The following RPS6KB1 variants were observed in gnomAD, a reference collection of about 807,000 sequenced individuals.
The protein encoded by RPS6KB1 is ribosomal protein S6 kinase beta-1.
A neutral mutation model predicts 70.2 loss-of-function variants in RPS6KB1; 12 were observed. That is an observed-to-expected ratio of 0.17 (90% CI 0.11 to 0.28). The LOEUF is 0.28. Among genes scored for constraint, RPS6KB1 ranks in the 10% least tolerant of loss-of-function variants. RPS6KB1 has a pLI of 1.00. For missense variants in RPS6KB1, 270 were observed against 646.6 expected (o/e 0.42, Z 6.32); for synonymous variants, 175 against 211.2 (o/e 0.83, Z 1.49).
chr17:59,893,158 T>G lies in RPS6KB1; in HGVS notation c.-27T>G. On this transcript the variant is annotated 5_prime_UTR_variant, in exon 1 of 15. Coordinates refer to ENST00000225577, the MANE Select transcript of RPS6KB1 (RefSeq NM_003161.4). This position sits in a 1 kb window ranked among gnomAD's most constrained non-coding sequence, Gnocchi z 4.1. ...AGCAGCCGGTGATGGCGGCAGCGGC[T>G]GTGGTGGCTGCGGCGGGTCCGGGCC... 1 of 1,601,158 alleles carries G rather than the reference T, an allele frequency of 6.2e-7. No homozygotes were observed. Among genetic ancestry groups the G allele is most frequent in the Non-Finnish European group, 8.5e-7 (1 of 1,174,782 alleles).
intron 13 of RPS6KB1, among the ~76,000 whole-genome samples, chr17:59,942,997 TA>T (rs1233190595): frequency 2.6e-5 from 4 of 151,872 alleles, no homozygotes; most frequent in South Asian, 2.1e-4. Context: ...AAAAAAAAAT[TA>T]ATTAAAAAAA....
intron 4 of RPS6KB1, among the ~76,000 whole-genome samples, chr17:59,923,579 C>T (rs1473042260): frequency 1.3e-5 from 2 of 151,166 alleles, no homozygotes; most frequent in Admixed American, 6.6e-5. Flanking sequence ...GGTGTGATCT[C>T]GGCTCACTGC....
At chr17:59,941,102 C>T (rs551064682) in intron 13 of RPS6KB1, among the ~76,000 whole-genome samples, 159 bp downstream of exon 13, 1 of 150,172 alleles carries the variant, frequency 6.7e-6, no homozygotes, top group Admixed American at 6.6e-5. Flanking sequence ...TTATTGATGC[C>T]TACAAAATTT....
At chr17:59,938,447 T>C (rs1301943198) in intron 12 of RPS6KB1, among the ~76,000 whole-genome samples, 1 of 152,082 alleles carries the variant, frequency 6.6e-6, no homozygotes, top group Non-Finnish European at 1.5e-5. Context: ...GGTCTGTATA[T>C]AGTTTGGTTA....
At chr17:59,916,379 C>T (rs879289257) in intron 4 of RPS6KB1, among the ~76,000 whole-genome samples, 3 of 152,320 alleles carry the variant, frequency 2.0e-5, no homozygotes, top group Admixed American at 6.5e-5. Flanking sequence ...GGATTACAGG[C>T]GTGAGCCACC....
chr17:59,945,725 G>A (rs1261864368), intron 14 of RPS6KB1, among the ~76,000 whole-genome samples: 2 of 152,112 alleles, frequency 1.3e-5, no homozygotes, highest in Non-Finnish European at 2.9e-5. Context: ...CCAAAAGTAA[G>A]CAGCCATACT....
chr17:59,893,409 G>A lies in RPS6KB1; in HGVS notation c.141+84G>A. The A allele has an allele frequency of 7.2e-7, 1 of 1,398,348 alleles. No homozygotes were observed. Among genetic ancestry groups the A allele is most frequent in the Non-Finnish European group, 9.8e-7 (1 of 1,020,146 alleles). 86.6% of individuals were successfully genotyped at this position (1,398,348 alleles called of 1,614,324 possible). On this transcript the variant is annotated intron_variant, in intron 1 of 14. Coordinates refer to ENST00000225577, the MANE Select transcript of RPS6KB1 (RefSeq NM_003161.4). The surrounding 1 kb of genome is among the most constrained non-coding windows in gnomAD (Gnocchi z 4.1). Reference sequence around the variant, plus strand: ...CAGGAAGCGCGGTGTGTCCTAGAGCGTGGAGACCCAGGGGGGCTCCTGAGG... The same window carrying A: ...CAGGAAGCGCGGTGTGTCCTAGAGCATGGAGACCCAGGGGGGCTCCTGAGG...
chr17:59,911,705 C>A (rs1171915625), intron 2 of RPS6KB1, among the ~76,000 whole-genome samples: 2 of 151,870 alleles, frequency 1.3e-5, no homozygotes, highest in Admixed American at 6.6e-5. Flanking sequence ...CCACCACGCC[C>A]AGCTAATTTT....
chr17:59,936,971 C>G (rs1330293896), intron 12 of RPS6KB1, among the ~76,000 whole-genome samples: 1 of 152,088 alleles, frequency 6.6e-6, no homozygotes, highest in Non-Finnish European at 1.5e-5. Flanking sequence ...GTGATTCTCC[C>G]ACCTCAGCTT....
In RPS6KB1 at chr17:59,947,706, C is replaced by T. The variant is rs2045010213; in HGVS notation, c.*918C>T. ...AAAAAAAAATCGCCACCTGTTCTTA[C>T]ACCAGTATTTGGTTCAAGACACCAA... is the stretch of plus-strand genomic sequence containing the variant. On this transcript the variant is annotated 3_prime_UTR_variant, in exon 15 of 15. Transcript: ENST00000225577. 1 of 712,706 alleles carries T rather than the reference C, an allele frequency of 1.4e-6. No individual in the cohort carries two copies. Among genetic ancestry groups the T allele is most frequent in the South Asian group, 1.6e-5 (1 of 62,884 alleles). The allele number at this position is 712,706 out of a possible 1,614,324, so 44.1% of individuals were successfully genotyped here. A position where few individuals can be genotyped will look rare whatever the true frequency, so the allele number is the denominator to read the frequency against.
At chr17:59,897,843 T>A (rs2041658446) in intron 1 of RPS6KB1, among the ~76,000 whole-genome samples, 1 of 152,046 alleles carries the variant, frequency 6.6e-6, no homozygotes, top group South Asian at 2.1e-4. Flanking sequence ...TGCACACCTC[T>A]AGTCCCAGCT....
chr17:59,924,312 G>A (rs1448602864), intron 4 of RPS6KB1, among the ~76,000 whole-genome samples: 1 of 148,570 alleles, frequency 6.7e-6, no homozygotes, highest in Non-Finnish European at 1.5e-5. Flanking sequence ...CTGGGTGACA[G>A]AGTGAGACTC....
chr17:59,904,671 G>A (rs776692976), intron 1 of RPS6KB1, among the ~76,000 whole-genome samples: 8 of 147,878 alleles, frequency 5.4e-5, no homozygotes, highest in Non-Finnish European at 1.2e-4. Context: ...TGGGATTATA[G>A]GCATGAGCCA....
intron 12 of RPS6KB1, among the ~76,000 whole-genome samples, chr17:59,938,008 A>G (rs2044337856): frequency 6.6e-6 from 1 of 152,168 alleles, no homozygotes; most frequent in Non-Finnish European, 1.5e-5. Context: ...ACTTTAAAAA[A>G]CAACAAACAA....
At chr17:59,895,928 CGGTTG>C (rs2041529983) in intron 1 of RPS6KB1, among the ~76,000 whole-genome samples, 1 of 152,178 alleles carries the variant, frequency 6.6e-6, no homozygotes, top group African/African-American at 2.4e-5. Flanking sequence ...CCACTGCATC[CGGTTG>C]GTGTGTGCTT....
chr17:59,932,788 A>C (rs1334594904), intron 7 of RPS6KB1, among the ~76,000 whole-genome samples: 2 of 152,074 alleles, frequency 1.3e-5, no homozygotes, highest in African/African-American at 4.8e-5. Context: ...CCTGAGCTCA[A>C]TTGATCTGCC....
In RPS6KB1 at chr17:59,929,174, G is replaced by A. The variant is rs549018929; in HGVS notation, c.530-943G>A. On this transcript the variant is annotated intron_variant, in intron 5 of 14. Coordinates refer to ENST00000225577, the MANE Select transcript of RPS6KB1 (RefSeq NM_003161.4). ...GAGACGGAATCTCACTCTGTTGCCC[G>A]GGCTGGAGTGCAGTGGCACGATCTC... is the stretch of plus-strand genomic sequence containing the variant. 1.3e-4 allele frequency among the ~76,000 whole-genome samples: 20 copies of A among 148,454 alleles called. No homozygotes were observed. In the South Asian group the frequency reaches 3.0e-3, roughly 22 times the overall value.
intron 2 of RPS6KB1, 95 bp from the exon 3 acceptor site, chr17:59,912,587 ACT>A (rs1257126430): frequency 3.2e-5 from 41 of 1,274,026 alleles, no homozygotes; most frequent in Non-Finnish European, 3.6e-5. Flanking sequence ...ACTTTTACTT[ACT>A]TAGATTACAT....
At chr17:59,917,984 A>G (rs892344530) in intron 4 of RPS6KB1, among the ~76,000 whole-genome samples, 1 of 151,962 alleles carries the variant, frequency 6.6e-6, no homozygotes, top group East Asian at 1.9e-4. Context: ...CCCAGGCTGG[A>G]GTGCAATGGC....
Sources: gnomAD v4.1 joint callset for allele counts (sites outside exome capture counted in the v4.1 genomes callset) on GRCh38, gnomAD v4.1.1 for gene constraint, Gnocchi (gnomAD v3.1) non-coding constraint, MANE v1.5 for transcripts, NCBI Gene and HGNC (gene_info 2026-07-23, HGNC 2026-07-21) for gene names.